Variants in AP2A1 observed in about 807,000 individuals in gnomAD.
AP2A1 encodes the protein adaptor related protein complex 2 subunit alpha 1.
AP2A1 carries 21 observed loss-of-function variants against 107.3 expected under a neutral mutation model. The observed-to-expected ratio is 0.20, with a 90% CI of 0.14 to 0.28. The LOEUF (loss-of-function observed/expected upper bound fraction) is 0.28, where lower values mean the gene tolerates loss of function less well. Among genes scored for constraint, AP2A1 ranks in the 10% least tolerant of loss-of-function variants. The pLI is 1.00. For missense variants in AP2A1, 873 were observed against 1,307.7 expected (o/e 0.67, Z 5.13); for synonymous variants, 602 against 564.8 (o/e 1.07, Z -0.93).
chr19:49,770,250 C>T (rs902150327), intron 1 of AP2A1, among the ~76,000 whole-genome samples: 1 of 152,028 alleles, frequency 6.6e-6, no homozygotes, highest in African/African-American at 2.4e-5. Flanking sequence ...GAGATCGTCC[C>T]GTCACTGCAG....
intron 15 of AP2A1, 86 bp downstream of exon 15, chr19:49,802,227 C>T (rs1300203824): frequency 2.8e-6 from 3 of 1,086,432 alleles, no homozygotes; most frequent in Non-Finnish European, 4.1e-6. Flanking sequence ...TCCCTGAGCC[C>T]CTCCCCCGCC....
At chr19:49,802,805 C>T (rs2073307288) in intron 15 of AP2A1, 144 bp from the exon 16 acceptor site, 6 of 1,078,312 alleles carry the variant, frequency 5.6e-6, no homozygotes, top group Admixed American at 2.2e-5. Context: ...TGGATGGATG[C>T]GAGGTTCCTC....
intron 1 of AP2A1, among the ~76,000 whole-genome samples, chr19:49,769,904 T>C (rs1012605441): frequency 1.3e-5 from 2 of 152,084 alleles, no homozygotes; most frequent in Admixed American, 6.6e-5. Flanking sequence ...AGACAGTCTC[T>C]GTTGCCCAGG....
intron 7 of AP2A1, chr19:49,796,914 G>A (rs2073220975): frequency 6.6e-6 from 1 of 152,266 alleles, no homozygotes; most frequent in Non-Finnish European, 1.5e-5. Flanking sequence ...TGCACATGGT[G>A]TGTGTGTACA....
Position 49,767,044 on chromosome 19 carries a change from C to A in AP2A1, c.-90C>A. 1 of 1,399,822 alleles carries A rather than the reference C, an allele frequency of 7.1e-7. No homozygotes were observed. The highest frequency in any genetic ancestry group is 9.5e-7 in the Non-Finnish European group (1 of 1,050,220). 86.7% of individuals were successfully genotyped at this position (1,399,822 alleles called of 1,614,324 possible). On this transcript the variant is annotated 5_prime_UTR_variant, in exon 1 of 23. Coordinates refer to ENST00000354293, the MANE Select transcript of AP2A1 (RefSeq NM_130787.3). ...CGGCCGGCTCGGCTCCTTGGCGCTG[C>A]CTGGGGTCCTTTCCGCCCGGTCCCC...
In AP2A1 at chr19:49,781,784, GAATC is replaced by G; in HGVS notation, c.98_101del (p.Ile33ThrfsTer47). ...AAGAGCAAAGAGGCGGAAATTAAGAGAATCAACAAGGAACTGGCCAACATCCGCT... is the reference window on the plus strand; with the variant it reads ...AAGAGCAAAGAGGCGGAAATTAAGAGAACAAGGAACTGGCCAACATCCGCT... On this transcript the variant is annotated frameshift_variant, in exon 2 of 23. Coordinates refer to ENST00000354293, the MANE Select transcript of AP2A1 (RefSeq NM_130787.3). LOFTEE classifies it high-confidence loss of function. The G allele has an allele frequency of 6.2e-7, 1 of 1,605,170 alleles. No homozygotes were observed. Among genetic ancestry groups the G allele is most frequent in the Non-Finnish European group, 8.5e-7 (1 of 1,175,734 alleles).
chr19:49,793,368 C>T (rs1776811612), intron 6 of AP2A1, among the ~76,000 whole-genome samples: 1 of 152,198 alleles, frequency 6.6e-6, no homozygotes, highest in Non-Finnish European at 1.5e-5. Flanking sequence ...GTGCTCAGAA[C>T]AGGGCCTCGC....
intron 6 of AP2A1, 48 bp from the exon 7 acceptor site, chr19:49,795,582 G>GGCCCCCCCCCCCCCC: frequency 4.3e-6 from 3 of 692,050 alleles, no homozygotes; most frequent in Non-Finnish European, 5.3e-6. Flanking sequence ...GGACCCACGT[G>GGCCCCCCCCCCCCCC]CCCCTCCCAC....
Position 49,803,167 on chromosome 19 carries a change from G to C in AP2A1, c.2232G>C (p.Lys744Asn). The change falls in exon 17 of 23, where the codon AAG becomes AAC. Residue 744 changes from lysine (K) to asparagine (N), a missense_variant. Physicochemically the swap from Lys to Asn is moderately conservative, Grantham distance 94. Coordinates refer to ENST00000354293, the MANE Select transcript of AP2A1 (RefSeq NM_130787.3). ...ACCAGCTGCTGCAGATCGGAGTCAA[G>C]TCAGAGTTCCGACAGAACCTGGGTG... Reference protein sequence around the residue: ...FENQLLQIGVKSEFRQNLGRM... With the variant: ...FENQLLQIGVNSEFRQNLGRM... 1 of 1,614,002 alleles carries C rather than the reference G, an allele frequency of 6.2e-7. No homozygotes were observed. Among genetic ancestry groups the C allele is most frequent in the Non-Finnish European group, 8.5e-7 (1 of 1,179,898 alleles).
Position 49,782,551 on chromosome 19 carries a change from G to A in AP2A1, c.300G>A (p.Val100=), listed in dbSNP as rs2084690424. 6.2e-7 allele frequency: 1 copy of A among 1,613,836 alleles called. No individual in the cohort carries two copies. Among genetic ancestry groups the A allele is most frequent in the East Asian group, 2.2e-5 (1 of 44,886 alleles). ...EKQIGYLFIS[V]LVNSNSELIR... is the part of the protein sequence containing the mutation. Reference sequence around the variant, plus strand: ...CACAGGGTTACCTGTTCATTTCTGTGCTGGTGAACTCGAACTCGGAGCTGA... The same window carrying A: ...CACAGGGTTACCTGTTCATTTCTGTACTGGTGAACTCGAACTCGGAGCTGA... The change falls in exon 4 of 23, where the codon GTG becomes GTA. Residue 100 remains valine, a synonymous_variant. Coordinates refer to ENST00000354293, the MANE Select transcript of AP2A1 (RefSeq NM_130787.3).
In AP2A1 at chr19:49,806,901, G is replaced by C. The variant is rs1568593402; in HGVS notation, c.*143G>C. ...GCCTGGGACTTTCCTCCGGCCTTTTGTATTTTTATTTTTGTTCATCTGCTG... is the reference window on the plus strand; with the variant it reads ...GCCTGGGACTTTCCTCCGGCCTTTTCTATTTTTATTTTTGTTCATCTGCTG... On this transcript the variant is annotated 3_prime_UTR_variant, in exon 23 of 23. Coordinates refer to ENST00000354293, the MANE Select transcript of AP2A1 (RefSeq NM_130787.3). 18 of 1,540,226 alleles carry C rather than the reference G, an allele frequency of 1.2e-5. No homozygotes were observed. The East Asian group carries it at 4.4e-4, about 38-fold the overall frequency.
chr19:49,767,014 C>T lies in AP2A1; in HGVS notation c.-120C>T, dbSNP rs1010311578. ...GCCCGCCCGCCCGCCAGCCAGCCCT[C>T]CCCGCGGCCGGCTCGGCTCCTTGGC... On this transcript the variant is annotated 5_prime_UTR_variant, in exon 1 of 23. Transcript: ENST00000354293. 9 of 1,030,460 alleles carry T rather than the reference C, an allele frequency of 8.7e-6. No homozygotes were observed. Among genetic ancestry groups the T allele is most frequent in the African/African-American group, 6.8e-5 (4 of 58,590 alleles). The allele number at this position is 1,030,460 out of a possible 1,614,324, so 63.8% of individuals were successfully genotyped here. A position where few individuals can be genotyped will look rare whatever the true frequency, so the allele number is the denominator to read the frequency against.
chr19:49,784,986 GAA>G (rs2084720326), intron 4 of AP2A1, among the ~76,000 whole-genome samples: 1 of 152,238 alleles, frequency 6.6e-6, no homozygotes, highest in Non-Finnish European at 1.5e-5. Flanking sequence ...CCTGGCAGTA[GAA>G]CTGAAGAAAG....
intron 1 of AP2A1, among the ~76,000 whole-genome samples, chr19:49,778,487 G>A (rs543126334): frequency 6.6e-6 from 1 of 152,310 alleles, no homozygotes; most frequent in South Asian, 2.1e-4. Flanking sequence ...GGAGGCTGAG[G>A]TAGGAGAATC....
chr19:49,772,253 T>G (rs1310478906), intron 1 of AP2A1, among the ~76,000 whole-genome samples: 4 of 115,340 alleles, frequency 3.5e-5, no homozygotes, highest in East Asian at 2.7e-4. Flanking sequence ...AGAGTTTTTT[T>G]TTTTTTTTTT....
chr19:49,784,461 A>C lies in AP2A1; in HGVS notation c.473+1737A>C, dbSNP rs560904997. On this transcript the variant is annotated intron_variant, in intron 4 of 22. Coordinates refer to ENST00000354293, the MANE Select transcript of AP2A1 (RefSeq NM_130787.3). ...AAAAAAAAGAAAAAGAAAACAGAAA[A>C]TAACTTTGGAATTGGAATTATACAG... Among the ~76,000 whole-genome samples the C allele has an allele frequency of 2.6e-5, 4 of 152,252 alleles. No individual in the cohort carries two copies. The East Asian group carries it at 7.7e-4, about 29-fold the overall frequency.
chr19:49,803,048 G>C (rs201771933), intron 16 of AP2A1, 43 bp downstream of exon 16: 10 of 1,613,572 alleles, frequency 6.2e-6, no homozygotes, highest in South Asian at 4.4e-5. Context: ...GGACAGGTGC[G>C]GAGCCCAGGC....
chr19:49,802,555 C>T (rs954062156), intron 15 of AP2A1: 27 of 1,606,542 alleles, frequency 1.7e-5, no homozygotes, highest in Admixed American at 3.3e-5. Context: ...CGCCTGCCCC[C>T]GAGAGCCCCA....
rs1233235609 is a variant in AP2A1, at chr19:49,806,716, C to T, written c.2826C>T (p.Pro942=). The change falls in exon 23 of 23, where the codon CCC becomes CCT. Residue 942 remains proline (P), a synonymous_variant. Coordinates refer to ENST00000354293, the MANE Select transcript of AP2A1 (RefSeq NM_130787.3). ...TGACCCTGCGCACCAGCAAGGAGCC[C>T]GTCTCCCGTCACCTGTGTGAGCTGC... ...YRLTLRTSKE[P]VSRHLCELLA... 19 of 1,613,528 alleles carry T rather than the reference C, an allele frequency of 1.2e-5. 1 individual carries two copies. Among genetic ancestry groups the T allele is most frequent in the East Asian group, 8.9e-5 (4 of 44,824 alleles).
Sources: gnomAD v4.1 joint callset for allele counts (sites outside exome capture counted in the v4.1 genomes callset) on GRCh38, gnomAD v4.1.1 for gene constraint, MANE v1.5 for transcripts, NCBI Gene and HGNC (gene_info 2026-07-23, HGNC 2026-07-21) for gene names.